Variants in CDCA8 observed in about 807,000 individuals in gnomAD.
CDCA8 encodes the protein borealin.
A neutral mutation model predicts 40.0 loss-of-function variants in CDCA8; 25 were observed. The ratio of observed to expected loss-of-function variants is 0.63; its 90% CI spans 0.46 to 0.87. The LOEUF is 0.87. Ranked by LOEUF, CDCA8 falls within the 40% of genes least tolerant of loss-of-function variation. The probability of loss-of-function intolerance (pLI) is 0.00; values close to 1 mark genes in which losing one functional copy is unlikely to be tolerated. For synonymous variants in CDCA8, 111 were observed against 126.5 expected (o/e 0.88, Z 0.82); for missense variants, 280 against 348.4 (o/e 0.80, Z 1.56).
In CDCA8 at chr1:37,708,548, C is replaced by T. The variant is rs900597296; in HGVS notation, c.*182C>T. On this transcript the variant is annotated 3_prime_UTR_variant, in exon 10 of 10. Coordinates refer to ENST00000373055, the MANE Select transcript of CDCA8 (RefSeq NM_001256875.2). Reference sequence around the variant, plus strand: ...AGTTAGGTAGAGCTGTCTGTTCACCCTCCCATCCCAGCTGATCCCAGTCAC... The same window carrying T: ...AGTTAGGTAGAGCTGTCTGTTCACCTTCCCATCCCAGCTGATCCCAGTCAC... 3.2e-6 allele frequency: 2 copies of T among 620,850 alleles called. No homozygotes were observed. The highest frequency in any genetic ancestry group is 1.9e-5 in the South Asian group (1 of 53,866). 38.5% of individuals were successfully genotyped at this position (620,850 alleles called of 1,614,324 possible). A position where few individuals can be genotyped will look rare whatever the true frequency, so the allele number is the denominator to read the frequency against.
At chr1:37,699,250 AG>A (rs1180500249) in intron 4 of CDCA8, among the ~76,000 whole-genome samples, 1 of 152,196 alleles carries the variant, frequency 6.6e-6, no homozygotes, top group Non-Finnish European at 1.5e-5. Flanking sequence ...AAGTGAAAAA[AG>A]GGGGGAAAAA....
intron 3 of CDCA8, among the ~76,000 whole-genome samples, chr1:37,697,970 A>G (rs1645538721): frequency 6.6e-6 from 1 of 152,212 alleles, no homozygotes; most frequent in African/African-American, 2.4e-5. Context: ...CATGTGTTCT[A>G]TAAGGAAAGG....
chr1:37,708,754 C>A lies in CDCA8; in HGVS notation c.*388C>A. ...AGGAAGACTGCCTCCACCACCGCTA[C>A]CCAGAGAACCTCTGCATCTGGCATT... On this transcript the variant is annotated 3_prime_UTR_variant, in exon 10 of 10. Transcript: ENST00000373055. 3.5e-6 allele frequency: 1 copy of A among 289,424 alleles called. No homozygotes were observed. The highest frequency in any genetic ancestry group is 6.8e-6 in the Non-Finnish European group (1 of 147,070). 17.9% of individuals were successfully genotyped at this position (289,424 alleles called of 1,614,324 possible).
rs1645606996 is a variant in CDCA8, at chr1:37,707,076, A to G, written c.798+12A>G. The G allele has an allele frequency of 3.1e-6, 5 of 1,603,926 alleles. No homozygotes were observed. Among genetic ancestry groups the G allele is most frequent in the Admixed American group, 3.3e-5 (2 of 60,010 alleles). On this transcript the variant is annotated intron_variant, in intron 9 of 9. Coordinates refer to ENST00000373055, the MANE Select transcript of CDCA8 (RefSeq NM_001256875.2). ...TTAAGAAGCTCTCCGTAAGTCTCATATTCATCTCCACACATAGGATGCCTC... is the reference window on the plus strand; with the variant it reads ...TTAAGAAGCTCTCCGTAAGTCTCATGTTCATCTCCACACATAGGATGCCTC...
At chr1:37,703,672 C>G (rs1645580117) in intron 7 of CDCA8, among the ~76,000 whole-genome samples, 1 of 152,120 alleles carries the variant, frequency 6.6e-6, no homozygotes, top group Non-Finnish European at 1.5e-5. Flanking sequence ...GCTGCAATTG[C>G]ACCACTGCAC....
Position 37,693,099 on chromosome 1 carries a change from G to T in CDCA8, c.223+66G>T. 5.5e-6 allele frequency: 8 copies of T among 1,448,640 alleles called. No individual in the cohort carries two copies. In the South Asian group the frequency reaches 9.3e-5, roughly 17 times the overall value. The allele number at this position is 1,448,640 out of a possible 1,614,324, so 89.7% of individuals were successfully genotyped here. ...CCTTGGGGTTAGGTGACACCCTTCA[G>T]AAAGGGCTCGCTCAGATGTCACCTT... On this transcript the variant is annotated intron_variant, in intron 2 of 9. Transcript: ENST00000373055.
rs958970546 is a variant in CDCA8 at position 37,705,484 on chromosome 1, C to T, written c.628C>T (p.Arg210Trp). 9 of 1,613,832 alleles carry T rather than the reference C, an allele frequency of 5.6e-6. No individual in the cohort carries two copies. Among genetic ancestry groups the T allele is most frequent in the Non-Finnish European group, 7.6e-6 (9 of 1,179,938 alleles). Residue 210 changes from arginine to tryptophan, a missense_variant, in exon 8 of 10, where the codon CGG (arginine) becomes TGG (tryptophan). Arg to Trp is a moderately radical substitution (Grantham distance 101). Coordinates refer to ENST00000373055, the MANE Select transcript of CDCA8 (RefSeq NM_001256875.2). ...PGLRTPAAGE[R>W]IYNISGNGSP... ...CCTGCGTACTCCAGCAGCAGGAGAG[C>T]GGATTTACAACATCTCAGGGAATGG... is the stretch of plus-strand genomic sequence containing the variant.
At chr1:37,699,667 C>T (rs676191) in intron 4 of CDCA8, among the ~76,000 whole-genome samples, 35,617 of 151,856 alleles carry the variant, frequency 0.23, 4,336 homozygotes, top group Middle Eastern at 0.3. Context: ...CGCCTGTAAT[C>T]CAAGCACTTT....
At position 37,708,753 on chromosome 1, in the gene CDCA8, A is replaced by T. The variant is rs1645620135; in HGVS notation, c.*387A>T. 1 of 287,250 alleles carries T rather than the reference A, an allele frequency of 3.5e-6. No homozygotes were observed. Among genetic ancestry groups the T allele is most frequent in the Non-Finnish European group, 6.9e-6 (1 of 145,930 alleles). 17.8% of individuals were successfully genotyped at this position (287,250 alleles called of 1,614,324 possible). ...CAGGAAGACTGCCTCCACCACCGCT[A>T]CCCAGAGAACCTCTGCATCTGGCAT... On this transcript the variant is annotated 3_prime_UTR_variant, in exon 10 of 10. Transcript: ENST00000373055.
chr1:37,705,389 T>C (rs1645591344), intron 7 of CDCA8, 52 bp from the exon 8 acceptor site: 1 of 1,590,416 alleles, frequency 6.3e-7, no homozygotes, highest in Non-Finnish European at 8.6e-7. Context: ...GCCTATAGAG[T>C]TTGGTGTCAT....
rs71690196 is a variant in CDCA8, at chr1:37,695,368, TAAAA to T, written c.224-521_224-518del. Among the ~76,000 whole-genome samples the T allele has an allele frequency of 4.5e-3, 343 of 76,452 alleles. 4 individuals are homozygous for T. Among genetic ancestry groups the T allele is most frequent in the African/African-American group, 0.017 (328 of 19,444 alleles). The allele number at this position is 76,452 out of a possible 152,430, so 50.2% of individuals were successfully genotyped here. A position where few individuals can be genotyped will look rare whatever the true frequency, so the allele number is the denominator to read the frequency against. ...CATAGCAGGAGACCACATCTCTACT[TAAAA>T]AAAAAAAAAAAAAAAAAAAAGACAA... On this transcript the variant is annotated intron_variant, in intron 2 of 9. Coordinates refer to ENST00000373055, the MANE Select transcript of CDCA8 (RefSeq NM_001256875.2).
At chr1:37,701,963 T>C in intron 6 of CDCA8, 145 bp downstream of exon 6, 3 of 612,048 alleles carry the variant, frequency 4.9e-6, no homozygotes, top group Non-Finnish European at 8.7e-6. Flanking sequence ...GTATCCAAGC[T>C]GGAGGGGTCT....
At chr1:37,698,091 A>G (rs764841700) in intron 3 of CDCA8, among the ~76,000 whole-genome samples, 3 of 152,252 alleles carry the variant, frequency 2.0e-5, no homozygotes, top group Non-Finnish European at 4.4e-5. Flanking sequence ...ATCATCATAG[A>G]AAACCTTATT....
chr1:37,702,519 T>C (rs1645572309), intron 6 of CDCA8, among the ~76,000 whole-genome samples: 1 of 152,166 alleles, frequency 6.6e-6, no homozygotes, highest in Admixed American at 6.5e-5. Flanking sequence ...TACAGCAGCT[T>C]AGGAGAGTAG....
rs1645606928 is a variant in CDCA8, at chr1:37,707,067, A to G, written c.798+3A>G. The G allele has an allele frequency of 6.2e-7, 1 of 1,610,884 alleles. No individual in the cohort carries two copies. Among genetic ancestry groups the G allele is most frequent in the Admixed American group, 1.7e-5 (1 of 60,008 alleles). On this transcript the variant is annotated splice_donor_region_variant and intron_variant, in intron 9 of 9. Transcript: ENST00000373055. ...TGGGAAACATTAAGAAGCTCTCCGT[A>G]AGTCTCATATTCATCTCCACACATA...
At chr1:37,705,341 T>C (rs1482172883) in intron 7 of CDCA8, 100 bp from the exon 8 acceptor site, 2 of 1,173,282 alleles carry the variant, frequency 1.7e-6, no homozygotes, top group Middle Eastern at 2.2e-4. Context: ...ATGTATGACT[T>C]AAAAACTGCA....
intron 4 of CDCA8, among the ~76,000 whole-genome samples, 193 bp downstream of exon 4, chr1:37,699,170 C>G (rs1361430629): frequency 5.3e-5 from 8 of 152,048 alleles, no homozygotes; most frequent in African/African-American, 1.5e-4. Flanking sequence ...CAATTCAAAC[C>G]AGAAATTTAG....
rs1018245703 is a variant in CDCA8 at position 37,701,753 on chromosome 1, G to T, written c.424-1G>T. The T allele has an allele frequency of 5.6e-6, 9 of 1,610,574 alleles. No individual in the cohort carries two copies. Among genetic ancestry groups the T allele is most frequent in the Non-Finnish European group, 7.6e-6 (9 of 1,177,496 alleles). On this transcript the variant is annotated splice_acceptor_variant, in intron 5 of 9. Coordinates refer to ENST00000373055, the MANE Select transcript of CDCA8 (RefSeq NM_001256875.2). LOFTEE classifies it high-confidence loss of function. Reference sequence around the variant, plus strand: ...TTAGTCTCATTTGATTGTGACTGCAGGTCAAAAGGTGTCCTCCATCCAAGA... The same window carrying T: ...TTAGTCTCATTTGATTGTGACTGCATGTCAAAAGGTGTCCTCCATCCAAGA...
chr1:37,706,376 G>A (rs1645601889), intron 8 of CDCA8, among the ~76,000 whole-genome samples: 1 of 152,186 alleles, frequency 6.6e-6, no homozygotes, highest in Non-Finnish European at 1.5e-5. Flanking sequence ...CCAAGGTGCT[G>A]GGATTACAGG....
Sources: allele counts gnomAD v4.1 joint callset (sites outside exome capture counted in the v4.1 genomes callset), GRCh38; gene constraint gnomAD v4.1.1; transcripts MANE v1.5; gene names NCBI Gene and HGNC (gene_info 2026-07-23, HGNC 2026-07-21).